Variants in KDM5A observed in about 807,000 individuals in gnomAD.
KDM5A encodes lysine-specific demethylase 5A.
A neutral mutation model predicts 193.5 loss-of-function variants in KDM5A; 42 were observed. That is an observed-to-expected ratio of 0.22 (90% CI 0.17 to 0.28). KDM5A has a LOEUF of 0.28. KDM5A is among the 10% of genes least tolerant of loss of function. KDM5A has a pLI of 1.00. For missense variants in KDM5A, 1,692 were observed against 2,055.1 expected (o/e 0.82, Z 3.42); for synonymous variants, 796 against 718.1 (o/e 1.11, Z -1.73).
Position 310,915 on chromosome 12 carries a change from A to C in KDM5A, c.3186T>G (p.Leu1062=). Residue 1062 remains leucine, a synonymous_variant, in exon 21 of 28, where the codon CTT becomes CTG. Coordinates refer to ENST00000399788, the MANE Select transcript of KDM5A (RefSeq NM_001042603.3). The part of the protein sequence containing the change: ...AWRERTGRTF[L]KKNSSHTLLQ... Reference sequence around the variant, plus strand: ...ACAATGTATGGCTAGAATTCTTCTTAAGAAACGTCCGCCCAGTCCGTTCTC... The same window carrying C: ...ACAATGTATGGCTAGAATTCTTCTTCAGAAACGTCCGCCCAGTCCGTTCTC... 3 of 1,614,226 alleles carry C rather than the reference A, an allele frequency of 1.9e-6. No individual in the cohort carries two copies. The highest frequency in any genetic ancestry group is 2.5e-6 in the Non-Finnish European group (3 of 1,180,018).
At chr12:370,535 C>T (rs1944412979) in intron 3 of KDM5A, among the ~76,000 whole-genome samples, 1 of 151,942 alleles carries the variant, frequency 6.6e-6, no homozygotes, top group Non-Finnish European at 1.5e-5. Context: ...GAATTGAACA[C>T]AATGAAGACA....
At chr12:372,532 T>A (rs559469324) in intron 3 of KDM5A, among the ~76,000 whole-genome samples, 79 of 152,350 alleles carry the variant, frequency 5.2e-4, no homozygotes, top group Middle Eastern at 3.4e-3. Context: ...TCATGTCATC[T>A]GCAAACAGGG....
chr12:364,827 A>G (rs1944336327), intron 4 of KDM5A, among the ~76,000 whole-genome samples: 1 of 151,826 alleles, frequency 6.6e-6, no homozygotes, highest in African/African-American at 2.4e-5. Context: ...TAAACTTACT[A>G]TATAACCCAG....
Position 389,053 on chromosome 12 carries a change from G to A in KDM5A, c.39C>T (p.Phe13=), listed in dbSNP as rs202088378. ...GVGPGGYAAE[F]VPPPECPVFE... ...AGACGGGGCACTCTGGCGGTGGCAC[G>A]AACTCCGCCGCGTAGCCCCCCGGCC... Residue 13 remains phenylalanine (F), a synonymous_variant, in exon 1 of 28, where the codon TTC becomes TTT. Transcript: ENST00000399788. The A allele has an allele frequency of 3.3e-4, 441 of 1,335,608 alleles. 5 individuals carry two copies. The East Asian group carries it at 0.012, about 36-fold the overall frequency. 82.7% of individuals were successfully genotyped at this position (1,335,608 alleles called of 1,614,324 possible). A position where few individuals can be genotyped will look rare whatever the true frequency, so the allele number is the denominator to read the frequency against.
At chr12:295,493 T>C in intron 26 of KDM5A, 80 bp downstream of exon 26, 1 of 1,338,222 alleles carries the variant, frequency 7.5e-7, no homozygotes, top group Admixed American at 1.7e-5. Context: ...AGCCACCCCT[T>C]TGCCAACATT....
chr12:331,112 A>T (rs577278864), intron 13 of KDM5A, among the ~76,000 whole-genome samples: 1 of 152,250 alleles, frequency 6.6e-6, no homozygotes, highest in Admixed American at 6.5e-5. Context: ...AAATGACAAG[A>T]CTAGTAAAAT....
intron 3 of KDM5A, among the ~76,000 whole-genome samples, chr12:368,569 A>G (rs1452811341): frequency 1.3e-5 from 2 of 152,096 alleles, no homozygotes; most frequent in Non-Finnish European, 2.9e-5. Context: ...CGTCTCAACT[A>G]AAAATACCAA....
chr12:364,250 C>A (rs942830291), intron 4 of KDM5A, among the ~76,000 whole-genome samples: 1 of 151,454 alleles, frequency 6.6e-6, no homozygotes, highest in East Asian at 2.0e-4. Flanking sequence ...GGTGGGTGGA[C>A]CACTTGAAGT....
At position 323,583 on chromosome 12, in the gene KDM5A, A is replaced by C; in HGVS notation, c.2150+17T>G. The C allele has an allele frequency of 1.9e-6, 3 of 1,601,858 alleles. No individual in the cohort carries two copies. The highest frequency in any genetic ancestry group is 2.6e-6 in the Non-Finnish European group (3 of 1,171,520). ...TAAAAAAAGGTAATGGAAGTTTTAC[A>C]AAATACTTTTGGATACCTAAGACAT... On this transcript the variant is annotated intron_variant, in intron 15 of 27. Transcript: ENST00000399788.
At chr12:356,386 T>A in intron 6 of KDM5A, 46 bp downstream of exon 6, 3 of 1,171,322 alleles carry the variant, frequency 2.6e-6, no homozygotes, top group Non-Finnish European at 3.8e-6. Context: ...TTTTTTACAA[T>A]CATATTCTAC....
chr12:281,305 C>G lies in KDM5A; in HGVS notation c.*4151G>C, dbSNP rs1404480880. 1 of 232,954 alleles carries G rather than the reference C, an allele frequency of 4.3e-6. No homozygotes were observed. The highest frequency in any genetic ancestry group is 2.2e-5 in the African/African-American group (1 of 45,298). 14.4% of individuals were successfully genotyped at this position (232,954 alleles called of 1,614,324 possible). On this transcript the variant is annotated 3_prime_UTR_variant, in exon 28 of 28. Coordinates refer to ENST00000399788, the MANE Select transcript of KDM5A (RefSeq NM_001042603.3). ...GAGTCTTGAGGTTTTACAAGACATTCCTGTTTAGACCACTTGGAGTACTGC... is the reference window on the plus strand; with the variant it reads ...GAGTCTTGAGGTTTTACAAGACATTGCTGTTTAGACCACTTGGAGTACTGC...
intron 10 of KDM5A, among the ~76,000 whole-genome samples, chr12:347,658 G>C (rs1386990596): frequency 6.6e-6 from 1 of 152,112 alleles, no homozygotes; most frequent in Admixed American, 6.6e-5. Context: ...AACAAGAAAT[G>C]GGGAAAGGAT....
At chr12:359,547 C>T (rs895888261) in intron 5 of KDM5A, among the ~76,000 whole-genome samples, 1 of 151,118 alleles carries the variant, frequency 6.6e-6, no homozygotes, top group Non-Finnish European at 1.5e-5. Context: ...AGCCCAGAGA[C>T]CAACCTGGGC....
At chr12:295,994 T>TA (rs1165114677) in intron 25 of KDM5A, among the ~76,000 whole-genome samples, 1 of 151,690 alleles carries the variant, frequency 6.6e-6, no homozygotes, top group Admixed American at 6.6e-5. Context: ...AGGCCCACTC[T>TA]AAAAAAAATG....
Position 355,237 on chromosome 12 carries a change from C to T in KDM5A, c.791G>A (p.Arg264Gln), listed in dbSNP as rs2137456534. ...GTKDKEDEVT[R>Q]RRKVTNRSDA... The stretch of plus-strand genomic sequence containing the variant: ...TGACCTGTTGGTAACTTTTCGTCTT[C>T]GGGTGACCTCATCTTGAAATAAAAA... Residue 264 changes from arginine (R) to glutamine (Q), a missense_variant, in exon 7 of 28, where the codon CGA (arginine) becomes CAA (glutamine). Arg to Gln is a conservative substitution (Grantham distance 43). Coordinates refer to ENST00000399788, the MANE Select transcript of KDM5A (RefSeq NM_001042603.3). 9 of 1,605,572 alleles carry T rather than the reference C, an allele frequency of 5.6e-6. No individual in the cohort carries two copies. Among genetic ancestry groups the T allele is most frequent in the Non-Finnish European group, 7.7e-6 (9 of 1,172,264 alleles).
At chr12:300,061 G>C (rs1377932387) in intron 24 of KDM5A, among the ~76,000 whole-genome samples, 1 of 151,874 alleles carries the variant, frequency 6.6e-6, no homozygotes, top group Non-Finnish European at 1.5e-5. Context: ...CCTACAAAGA[G>C]ACTCAGACTC....
At chr12:382,001 G>A (rs1356459764) in intron 3 of KDM5A, among the ~76,000 whole-genome samples, 2 of 152,042 alleles carry the variant, frequency 1.3e-5, no homozygotes, top group Non-Finnish European at 2.9e-5. Flanking sequence ...TGTAGAGATG[G>A]AGTCTCACTA....
At chr12:296,839 T>C (rs1453786077) in intron 25 of KDM5A, among the ~76,000 whole-genome samples, 3 of 152,348 alleles carry the variant, frequency 2.0e-5, no homozygotes, top group Non-Finnish European at 2.9e-5. Context: ...TAAAACTCTA[T>C]GTAAGTTTTC....
intron 8 of KDM5A, among the ~76,000 whole-genome samples, chr12:353,666 T>C (rs904027256): frequency 6.6e-6 from 1 of 152,180 alleles, no homozygotes; most frequent in East Asian, 1.9e-4. Flanking sequence ...CTCAAGCCTG[T>C]AATCCCAGCA....
Sources: gnomAD v4.1 joint callset for allele counts (sites outside exome capture counted in the v4.1 genomes callset) on GRCh38, gnomAD v4.1.1 for gene constraint, MANE v1.5 for transcripts, NCBI Gene and HGNC (gene_info 2026-07-23, HGNC 2026-07-21) for gene names.